ZNF675: variants seen among roughly 807,000 people sequenced by gnomAD.
ZNF675 encodes TRAF6 inhibitory zinc finger.
In ZNF675, 36 loss-of-function variants were observed where a neutral mutation model predicts 56.1. The ratio of observed to expected loss-of-function variants is 0.64; its 90% CI spans 0.49 to 0.85. The LOEUF is 0.85. Among genes scored for constraint, ZNF675 ranks in the 40% least tolerant of loss-of-function variants. The pLI, the probability that ZNF675 is intolerant of heterozygous loss-of-function variation, is 0.00. For synonymous variants in ZNF675, 200 were observed against 218.9 expected, an observed-to-expected ratio of 0.91 and a Z score of 0.76; for missense variants, 663 against 654.2, an observed-to-expected ratio of 1.01 and a Z score of -0.15.
chr19:23,686,942 C>A (rs1253465489), intron 1 of ZNF675, 89 bp downstream of exon 1: 2 of 1,495,274 alleles, frequency 1.3e-6, no homozygotes, highest in Admixed American at 1.7e-5. Context: ...GAGCTGACTG[C>A]GGGGAGGCCT....
intron 1 of ZNF675, among the ~76,000 whole-genome samples, chr19:23,681,921 A>G (rs749615168): frequency 6.6e-6 from 1 of 151,836 alleles, no homozygotes; most frequent in Non-Finnish European, 1.5e-5. Flanking sequence ...CACATAGATA[A>G]TCCTGGTAAA....
At chr19:23,678,206 T>C (rs1480182761) in intron 1 of ZNF675, among the ~76,000 whole-genome samples, 1 of 151,092 alleles carries the variant, frequency 6.6e-6, no homozygotes, top group Non-Finnish European at 1.5e-5. Context: ...AATATGGCCA[T>C]ACCACCAAAA....
intron 1 of ZNF675, among the ~76,000 whole-genome samples, chr19:23,679,051 C>T (rs1322766030): frequency 2.0e-5 from 3 of 150,210 alleles, no homozygotes; most frequent in Non-Finnish European, 4.4e-5. Context: ...CCTGTAGTCC[C>T]AGCTACTTGG....
At chr19:23,660,953 C>T (rs919505892) in intron 3 of ZNF675, among the ~76,000 whole-genome samples, 54 of 141,228 alleles carry the variant, frequency 3.8e-4, no homozygotes, top group African/African-American at 1.3e-3. Context: ...TTTTTTGAGA[C>T]GGAGTCCCAC....
rs544451248 is a variant in ZNF675, at chr19:23,677,810, C to T, written c.3+9221G>A. Among the ~76,000 whole-genome samples the T allele has an allele frequency of 1.3e-3, 188 of 149,968 alleles. 7 individuals carry two copies. The highest frequency in any genetic ancestry group is 4.4e-3 in the African/African-American group (177 of 40,414). On this transcript the variant is annotated intron_variant, in intron 1 of 3. Coordinates refer to ENST00000359788, the MANE Select transcript of ZNF675 (RefSeq NM_138330.3). ...TGAAAGATCTCTAGGACAAGAATTA[C>T]AAAACACTTCTTAAAGAAGTCAGAG...
intron 1 of ZNF675, among the ~76,000 whole-genome samples, chr19:23,664,883 G>A (rs1425993421): frequency 6.6e-6 from 1 of 152,112 alleles, no homozygotes; most frequent in African/African-American, 2.4e-5. Flanking sequence ...CCTGGCAGGC[G>A]AATGTTGCAG....
rs1449309545 is a variant in ZNF675, at chr19:23,653,829, G to T, written c.1104C>A (p.Tyr368Ter). ...HKNIHTGEQP[Y>*]KCEECGKAFN... ...AAGCTTTGCCGCATTCCTCACATTT[G>T]TAGGGTTGCTCTCCAGTATGAATGT... The change falls in exon 4 of 4, where the codon TAC becomes TAA. Residue 368 changes from tyrosine to a stop codon, truncating the protein, a stop_gained. Coordinates refer to ENST00000359788, the MANE Select transcript of ZNF675 (RefSeq NM_138330.3). LOFTEE classifies it high-confidence loss of function. The T allele has an allele frequency of 5.0e-6, 8 of 1,613,788 alleles. No individual in the cohort carries two copies. Among genetic ancestry groups the T allele is most frequent in the Non-Finnish European group, 5.9e-6 (7 of 1,179,864 alleles).
chr19:23,662,334 A>T, intron 2 of ZNF675, 125 bp from the exon 3 acceptor site: 1 of 606,898 alleles, frequency 1.6e-6, no homozygotes, highest in Non-Finnish European at 2.8e-6. Context: ...ATACTGACTT[A>T]TAACAGAAAT....
At chr19:23,657,889 A>C in intron 3 of ZNF675, among the ~76,000 whole-genome samples, 1 of 152,220 alleles carries the variant, frequency 6.6e-6, no homozygotes. Context: ...TGGCTGATTT[A>C]TTTCTTAATT....
intron 1 of ZNF675, among the ~76,000 whole-genome samples, chr19:23,673,268 G>A (rs1442639994): frequency 3.3e-5 from 5 of 152,188 alleles, no homozygotes; most frequent in South Asian, 2.1e-4. Context: ...TCAGTAACAG[G>A]AGGAAGTGGA....
chr19:23,677,504 G>A (rs939597649), intron 1 of ZNF675, among the ~76,000 whole-genome samples: 3 of 150,950 alleles, frequency 2.0e-5, no homozygotes, highest in Admixed American at 6.6e-5. Context: ...TCGGGAGTTG[G>A]AGACAAGCCT....
intron 1 of ZNF675, among the ~76,000 whole-genome samples, chr19:23,666,045 G>GTAC (rs1329678549): frequency 2.0e-5 from 3 of 152,228 alleles, no homozygotes; most frequent in Non-Finnish European, 2.9e-5. Flanking sequence ...AGGTACACAT[G>GTAC]TACTAATGAG....
chr19:23,677,756 A>G lies in ZNF675; in HGVS notation c.3+9275T>C, dbSNP rs376571076. Among the ~76,000 whole-genome samples the G allele has an allele frequency of 7.5e-4, 113 of 151,342 alleles. 1 individual carries two copies. The South Asian group carries it at 0.014, about 19-fold the overall frequency. ...CCATTTGCAGTTGCCACAAAAACGA[A>G]TATCTAGAAATACAGCTAACTAGGG... On this transcript the variant is annotated intron_variant, in intron 1 of 3. Transcript: ENST00000359788.
intron 3 of ZNF675, among the ~76,000 whole-genome samples, chr19:23,657,381 C>A (rs139502536): frequency 1.5e-4 from 23 of 152,306 alleles, no homozygotes; most frequent in African/African-American, 5.3e-4. Context: ...GTTTCTCTCA[C>A]ACAAAAGAAA....
intron 3 of ZNF675, chr19:23,657,171 A>C (rs1205644932): frequency 6.6e-6 from 1 of 152,426 alleles, no homozygotes; most frequent in Non-Finnish European, 1.5e-5. Context: ...TTTGGGCTCA[A>C]GCAATTCTCC....
At chr19:23,679,570 G>A (rs1450680468) in intron 1 of ZNF675, among the ~76,000 whole-genome samples, 3 of 151,416 alleles carry the variant, frequency 2.0e-5, no homozygotes, top group East Asian at 3.9e-4. Flanking sequence ...TATTAACAGA[G>A]TAAAGACAAC....
chr19:23,679,993 C>T (rs146109974), intron 1 of ZNF675, among the ~76,000 whole-genome samples: 1 of 148,490 alleles, frequency 6.7e-6, no homozygotes, highest in Admixed American at 6.7e-5. Context: ...TCCGTACCCC[C>T]CCCCAAAAAA....
intron 1 of ZNF675, among the ~76,000 whole-genome samples, chr19:23,677,242 A>G (rs898538752): frequency 1.4e-5 from 2 of 145,720 alleles, no homozygotes; most frequent in Non-Finnish European, 3.0e-5. Flanking sequence ...AACTCAAACT[A>G]TCCCGGGTGC....
rs768327543 is a variant in ZNF675, at chr19:23,653,870, G to A, written c.1063C>T (p.Leu355Phe). The A allele has an allele frequency of 3.2e-5, 51 of 1,613,706 alleles. No individual in the cohort carries two copies. The highest frequency in any genetic ancestry group is 3.8e-5 in the Non-Finnish European group (45 of 1,179,880). Residue 355 changes from leucine (L) to phenylalanine (F), a missense_variant, in exon 4 of 4, where the codon CTT (leucine) becomes TTT (phenylalanine). Around this residue, in one of 3 missense-constraint regions of ZNF675, gnomAD observed 617 missense variants for 590.5 expected, o/e 1.04. Coordinates refer to ENST00000359788, the MANE Select transcript of ZNF675 (RefSeq NM_138330.3). ...CGKAFNRSSKLTEHKNIHTGE... is the reference protein window; with the variant it reads ...CGKAFNRSSKFTEHKNIHTGE... ...GTATGAATGTTTTTATGTTCAGTAAGTTTTGAGGATCGGTTAAAAGCTTTT... is the reference window on the plus strand; with the variant it reads ...GTATGAATGTTTTTATGTTCAGTAAATTTTGAGGATCGGTTAAAAGCTTTT...
Sources: gnomAD v4.1 joint callset for allele counts (sites outside exome capture counted in the v4.1 genomes callset) on GRCh38, gnomAD v4.1.1 for gene constraint, gnomAD v4.1.1 regional missense constraint, MANE v1.5 for transcripts, NCBI Gene and HGNC (gene_info 2026-07-23, HGNC 2026-07-21) for gene names.